Variants in ARID1A observed in about 807,000 individuals in gnomAD.
ARID1A encodes the protein AT-rich interaction domain 1A, also known as AT-rich interactive domain-containing protein 1A.
ARID1A carries 20 observed loss-of-function variants against 212.6 expected under a neutral mutation model. The observed-to-expected ratio is 0.09, with a 90% CI of 0.07 to 0.14. The LOEUF (loss-of-function observed/expected upper bound fraction) is 0.14, where lower values mean the gene tolerates loss of function less well. ARID1A is among the 10% of genes least tolerant of loss of function. The pLI, the probability that ARID1A is intolerant of heterozygous loss-of-function variation, is 1.00. For synonymous variants in ARID1A, 1,376 were observed against 1,222.1 expected, an observed-to-expected ratio of 1.13 and a Z score of -2.63; for missense variants, 2,587 against 3,059.0, an observed-to-expected ratio of 0.85 and a Z score of 3.64.
chr1:26,717,948 T>A (rs1421221538), intron 1 of ARID1A, among the ~76,000 whole-genome samples: 1 of 152,012 alleles, frequency 6.6e-6, no homozygotes, highest in African/African-American at 2.4e-5. Flanking sequence ...AGGAACAGTT[T>A]TTTTGTTTGT....
At position 26,766,497 on chromosome 1, in the gene ARID1A, A is replaced by G. The variant is rs2124081604; in HGVS notation, c.2919A>G (p.Val973=). The change falls in exon 10 of 20, where the codon GTA becomes GTG. Residue 973 remains valine (V), a synonymous_variant. Transcript: ENST00000324856. The stretch of plus-strand genomic sequence containing the variant: ...CAGAGATGATGGGCCTTGGGGATGT[A>G]AAGTTAACTCCAGCCACCAAAATGA... ...ASPEMMGLGD[V]KLTPATKMNN... 2.5e-6 allele frequency: 4 copies of G among 1,614,166 alleles called. No homozygotes were observed. Among genetic ancestry groups the G allele is most frequent in the South Asian group, 1.1e-5 (1 of 91,076 alleles).
chr1:26,720,366 G>T (rs1247775385), intron 1 of ARID1A, among the ~76,000 whole-genome samples: 1 of 151,942 alleles, frequency 6.6e-6, no homozygotes, highest in African/African-American at 2.4e-5. Flanking sequence ...CCAACTGCTA[G>T]GGTGACTGTG....
intron 4 of ARID1A, among the ~76,000 whole-genome samples, chr1:26,742,888 T>C (rs1287829459): frequency 6.6e-6 from 1 of 152,142 alleles, no homozygotes; most frequent in Non-Finnish European, 1.5e-5. Flanking sequence ...GAGAATCCCT[T>C]GAACCCGAGA....
rs191813608 is a variant in ARID1A at position 26,779,513 on chromosome 1, C to T, written c.5615C>T (p.Ala1872Val). Residue 1872 changes from alanine (A) to valine (V), a missense_variant, in exon 20 of 20, where the codon GCA (alanine) becomes GTA (valine). Ala to Val is a moderately conservative substitution (Grantham distance 64, BLOSUM62 0). This residue lies in a region of ARID1A where 890 missense variants were observed against 1,098.2 expected (regional missense o/e 0.81). Transcript: ENST00000324856. ...GAGCTGCTGCCTTCCCGGCCTCACG[C>T]ACCCTGCCCACCAGCCCCTCGGAAG... ...KTELLPSRPH[A>V]PCPPAPRKHV... 5.8e-5 allele frequency: 94 copies of T among 1,614,134 alleles called. No homozygotes were observed. In the East Asian group the frequency reaches 1.8e-3, roughly 31 times the overall value.
At chr1:26,735,561 G>A (rs2080721449) in intron 4 of ARID1A, among the ~76,000 whole-genome samples, 1 of 152,158 alleles carries the variant, frequency 6.6e-6, no homozygotes, top group Non-Finnish European at 1.5e-5. Context: ...CAAGGTGCTG[G>A]GATTATAGGC....
In ARID1A at chr1:26,773,640, C is replaced by T. The variant is rs2124113026; in HGVS notation, c.3927C>T (p.Leu1309=). Residue 1309 remains leucine (L), a synonymous_variant, in exon 16 of 20, where the codon CTC becomes CTT. Transcript: ENST00000324856. ...GCACTGGGGCCCCACAGCCGAATCT[C>T]ATGCCTTCCAACCCAGACTCGGGGA... is the stretch of plus-strand genomic sequence containing the variant. The part of the protein sequence containing the change: ...NMSTGAPQPN[L]MPSNPDSGMY... The T allele has an allele frequency of 6.2e-7, 1 of 1,614,220 alleles. No homozygotes were observed. Among genetic ancestry groups the T allele is most frequent in the South Asian group, 1.1e-5 (1 of 91,088 alleles).
intron 1 of ARID1A, among the ~76,000 whole-genome samples, chr1:26,721,236 G>A (rs932574187): frequency 4.6e-5 from 7 of 152,162 alleles, no homozygotes; most frequent in East Asian, 1.9e-4. Flanking sequence ...TTTTGAGACC[G>A]AGTCTCACTC....
At chr1:26,734,240 CAAG>C (rs1295689832) in intron 4 of ARID1A, among the ~76,000 whole-genome samples, 8 of 152,016 alleles carry the variant, frequency 5.3e-5, no homozygotes, top group Non-Finnish European at 1.0e-4. Flanking sequence ...GCTATTGTGT[CAAG>C]AACCCAAATC....
At chr1:26,741,678 C>T (rs2080789452) in intron 4 of ARID1A, among the ~76,000 whole-genome samples, 1 of 152,206 alleles carries the variant, frequency 6.6e-6, no homozygotes, top group African/African-American at 2.4e-5. Context: ...GGATCATACT[C>T]ATTTCCTCAG....
intron 4 of ARID1A, among the ~76,000 whole-genome samples, chr1:26,756,342 G>A (rs2080936309): frequency 6.6e-6 from 1 of 152,002 alleles, no homozygotes; most frequent in Non-Finnish European, 1.5e-5. Flanking sequence ...GATCACCTGA[G>A]GTCAGGAGTT....
chr1:26,699,460 C>T (rs144006838), intron 1 of ARID1A, among the ~76,000 whole-genome samples: 3 of 152,168 alleles, frequency 2.0e-5, no homozygotes, highest in African/African-American at 7.2e-5. Flanking sequence ...TAGCTGTATT[C>T]CCAGCCCATC....
In ARID1A at chr1:26,697,230, G is replaced by C; in HGVS notation, c.827G>C (p.Gly276Ala). The part of the protein sequence containing the change: ...FAQQRFGAMG[G>A]GGPSAAGGGT... ...CAGCAGCGCTTCGGGGCCATGGGGG[G>C]AGGCGGCCCCTCCGCGGCCGGCGGG... Residue 276 changes from glycine (G) to alanine (A), a missense_variant, in exon 1 of 20, where the codon GGA (glycine) becomes GCA (alanine). This residue lies in a region of ARID1A where 735 missense variants were observed against 590.6 expected (regional missense o/e 1.24). Transcript: ENST00000324856. 7.3e-7 allele frequency: 1 copy of C among 1,376,506 alleles called. No homozygotes were observed. The highest frequency in any genetic ancestry group is 9.3e-7 in the Non-Finnish European group (1 of 1,071,524). The allele number at this position is 1,376,506 out of a possible 1,614,324, so 85.3% of individuals were successfully genotyped here. A position where few individuals can be genotyped will look rare whatever the true frequency, so the allele number is the denominator to read the frequency against.
intron 1 of ARID1A, among the ~76,000 whole-genome samples, chr1:26,702,761 A>G (rs763907441): frequency 3.3e-5 from 5 of 152,180 alleles, no homozygotes; most frequent in Non-Finnish European, 5.9e-5. Flanking sequence ...AAATGGAAAG[A>G]TGCTGCCCTG....
At chr1:26,756,594 A>T (rs555418965) in intron 4 of ARID1A, among the ~76,000 whole-genome samples, 1 of 150,596 alleles carries the variant, frequency 6.6e-6, no homozygotes, top group Admixed American at 6.6e-5. Context: ...AAACACACAC[A>T]AAAAAAAACC....
rs759168859 is a variant in ARID1A, at chr1:26,767,797, GTTC to G, written c.3001_3003del (p.Ser1001del). ...TTGACCTGAACCTTCCAGAAATCCA[GTTC>G]TTCTACTACAACCAATGAGAAGATC... On this transcript the variant is annotated inframe_deletion, in exon 11 of 20. Transcript: ENST00000324856. The G allele has an allele frequency of 1.9e-6, 3 of 1,613,130 alleles. No homozygotes were observed. Among genetic ancestry groups the G allele is most frequent in the South Asian group, 1.1e-5 (1 of 90,994 alleles).
rs761352508 is a variant in ARID1A at position 26,780,790 on chromosome 1, G to A, written c.*34G>A. On this transcript the variant is annotated 3_prime_UTR_variant, in exon 20 of 20. Transcript: ENST00000324856. This position sits in a 1 kb window ranked among gnomAD's most constrained non-coding sequence, Gnocchi z 7.2. ...GGACACCTCCCCCCCCCGTGTGTGTGTGCGTGTGTGGAGAACTTAGAAACT... is the reference window on the plus strand; with the variant it reads ...GGACACCTCCCCCCCCCGTGTGTGTATGCGTGTGTGGAGAACTTAGAAACT... 1 of 1,530,826 alleles carries A rather than the reference G, an allele frequency of 6.5e-7. No individual in the cohort carries two copies. The highest frequency in any genetic ancestry group is 2.3e-5 in the East Asian group (1 of 44,058). 94.8% of individuals were successfully genotyped at this position (1,530,826 alleles called of 1,614,324 possible). A position where few individuals can be genotyped will look rare whatever the true frequency, so the allele number is the denominator to read the frequency against.
rs2124743619 is a variant in ARID1A, at chr1:26,697,201, C to T, written c.798C>T (p.Phe266=). ...CCGCCTCCTCGTCGTCTTCGTCCTT[C>T]GCTCAGCAGCGCTTCGGGGCCATGG... is the stretch of plus-strand genomic sequence containing the variant. ...SASASSSSSS[F]AQQRFGAMGG... is the part of the protein sequence containing the mutation. Residue 266 remains phenylalanine, a synonymous_variant, in exon 1 of 20, where the codon TTC becomes TTT. Transcript: ENST00000324856. 7.1e-7 allele frequency: 1 copy of T among 1,407,316 alleles called. No individual in the cohort carries two copies. The highest frequency in any genetic ancestry group is 3.0e-5 in the East Asian group (1 of 33,476). The allele number at this position is 1,407,316 out of a possible 1,614,324, so 87.2% of individuals were successfully genotyped here.
Position 26,696,046 on chromosome 1 carries a change from C to T in ARID1A, c.-358C>T. On this transcript the variant is annotated 5_prime_UTR_variant, in exon 1 of 20. Transcript: ENST00000324856. ...TCTCCGGCAGCAGAAAGCGGAGAGT[C>T]ACAGCGGGGCCAGGCCCTGGGGAGC... is the stretch of plus-strand genomic sequence containing the variant. 1 of 700,588 alleles carries T rather than the reference C, an allele frequency of 1.4e-6. No individual in the cohort carries two copies. The highest frequency in any genetic ancestry group is 1.8e-6 in the Non-Finnish European group (1 of 566,848). The allele number at this position is 700,588 out of a possible 1,614,324, so 43.4% of individuals were successfully genotyped here. A position where few individuals can be genotyped will look rare whatever the true frequency, so the allele number is the denominator to read the frequency against.
At position 26,771,493 on chromosome 1, in the gene ARID1A, G is replaced by A; in HGVS notation, c.3406+167G>A. ...GTTGGCTGACTAGAGAGTGGGCAGTGGAAACTCCCTTGGGAGGTACTCTAC... is the reference window on the plus strand; with the variant it reads ...GTTGGCTGACTAGAGAGTGGGCAGTAGAAACTCCCTTGGGAGGTACTCTAC... On this transcript the variant is annotated intron_variant, in intron 12 of 19. Coordinates refer to ENST00000324856, the MANE Select transcript of ARID1A (RefSeq NM_006015.6). This position sits in a 1 kb window ranked among gnomAD's most constrained non-coding sequence, Gnocchi z 5.4. 1 of 699,384 alleles carries A rather than the reference G, an allele frequency of 1.4e-6. No homozygotes were observed. Among genetic ancestry groups the A allele is most frequent in the Admixed American group, 2.9e-5 (1 of 34,286 alleles). 43.3% of individuals were successfully genotyped at this position (699,384 alleles called of 1,614,324 possible). A position where few individuals can be genotyped will look rare whatever the true frequency, so the allele number is the denominator to read the frequency against.
Sources: gnomAD v4.1 joint callset for allele counts (sites outside exome capture counted in the v4.1 genomes callset) on GRCh38, gnomAD v4.1.1 for gene constraint, gnomAD v4.1.1 regional missense constraint, Gnocchi (gnomAD v3.1) non-coding constraint, MANE v1.5 for transcripts, NCBI Gene and HGNC (gene_info 2026-07-23, HGNC 2026-07-21) for gene names.